BTBD9: variants seen among roughly 807,000 people sequenced by gnomAD.
BTBD9 encodes the protein BTB/POZ domain-containing protein 9.
A neutral mutation model predicts 64.3 loss-of-function variants in BTBD9; 49 were observed. The ratio of observed to expected loss-of-function variants is 0.76; its 90% CI spans 0.61 to 0.97. The LOEUF is 0.97. Ranked by LOEUF, BTBD9 falls within the 50% of genes least tolerant of loss-of-function variation. BTBD9 has a pLI of 0.00. For missense variants in BTBD9, 598 were observed against 762.1 expected (o/e 0.78, Z 2.53); for synonymous variants, 260 against 274.7 (o/e 0.95, Z 0.53).
chr6:38,503,217 C>G (rs1230914880), intron 6 of BTBD9, among the ~76,000 whole-genome samples: 2 of 152,248 alleles, frequency 1.3e-5, no homozygotes, highest in South Asian at 4.2e-4. Flanking sequence ...AATCCCCCAT[C>G]GCCCTACTCT....
At chr6:38,599,474 G>A (rs193198076) in intron 1 of BTBD9, among the ~76,000 whole-genome samples, 98 of 152,302 alleles carry the variant, frequency 6.4e-4, no homozygotes, top group African/African-American at 2.1e-3. Context: ...GCTTTGATAA[G>A]TGTAAGTAAC....
intron 6 of BTBD9, among the ~76,000 whole-genome samples, chr6:38,378,913 G>T (rs1373787993): frequency 6.6e-6 from 1 of 151,634 alleles, no homozygotes; most frequent in Non-Finnish European, 1.5e-5. Flanking sequence ...GGCAAGAATC[G>T]TTGGAAAGGA....
intron 6 of BTBD9, among the ~76,000 whole-genome samples, chr6:38,561,873 C>T (rs183680724): frequency 7.2e-5 from 11 of 152,114 alleles, no homozygotes; most frequent in African/African-American, 1.9e-4. Flanking sequence ...TAAACCTCAG[C>T]GAAACACAAT....
chr6:38,381,912 T>G (rs77009791), intron 6 of BTBD9, among the ~76,000 whole-genome samples: 5,164 of 152,082 alleles, frequency 0.034, 171 homozygotes, highest in East Asian at 0.11. Flanking sequence ...TTAGATAATA[T>G]AAGAATAATA....
At chr6:38,203,861 T>C (rs1762549124) in intron 9 of BTBD9, among the ~76,000 whole-genome samples, 1 of 152,060 alleles carries the variant, frequency 6.6e-6, no homozygotes, top group African/African-American at 2.4e-5. Flanking sequence ...TGACTATAGT[T>C]AGCAACAATG....
intron 6 of BTBD9, among the ~76,000 whole-genome samples, chr6:38,483,550 T>A (rs1771260846): frequency 6.6e-6 from 1 of 152,062 alleles, no homozygotes; most frequent in Non-Finnish European, 1.5e-5. Flanking sequence ...TGGTTTCCCA[T>A]CATCCTTAGA....
chr6:38,609,857 TG>T lies in BTBD9; in HGVS notation c.-27-11737del, dbSNP rs1333480349. Reference sequence around the variant, plus strand: ...GGTTCTTTACCTAAAGTCATAATATTGGTATTTGACCAACTCAGCTAAAGCA... The same window carrying T: ...GGTTCTTTACCTAAAGTCATAATATTGTATTTGACCAACTCAGCTAAAGCA... On this transcript the variant is annotated intron_variant, in intron 1 of 10. Transcript: ENST00000481247. Among the ~76,000 whole-genome samples, 3 of 152,364 alleles carry T rather than the reference TG, an allele frequency of 2.0e-5. No individual in the cohort carries two copies. The East Asian group carries it at 5.8e-4, about 29-fold the overall frequency.
chr6:38,210,528 G>A (rs1762792402), intron 9 of BTBD9, among the ~76,000 whole-genome samples: 1 of 117,500 alleles, frequency 8.5e-6, no homozygotes, highest in African/African-American at 3.2e-5. Flanking sequence ...GTGGGAGAGT[G>A]CGTGTGTTTG....
intron 6 of BTBD9, among the ~76,000 whole-genome samples, chr6:38,387,431 G>T (rs1766226564): frequency 6.6e-6 from 1 of 152,168 alleles, no homozygotes; most frequent in African/African-American, 2.4e-5. Context: ...CAGCTACTCG[G>T]GAGGCTGGGG....
chr6:38,300,151 A>G (rs1762329718), intron 7 of BTBD9, among the ~76,000 whole-genome samples: 1 of 152,186 alleles, frequency 6.6e-6, no homozygotes, highest in African/African-American at 2.4e-5. Flanking sequence ...CAGGTTTGTC[A>G]AAGATCAGAT....
intron 8 of BTBD9, among the ~76,000 whole-genome samples, chr6:38,267,897 A>G (rs1055769562): frequency 5.3e-5 from 8 of 152,174 alleles, no homozygotes; most frequent in Non-Finnish European, 1.2e-4. Flanking sequence ...CCGAGATCGC[A>G]CCACTGCACT....
chr6:38,491,382 T>G (rs572717142), intron 6 of BTBD9, among the ~76,000 whole-genome samples: 2 of 152,310 alleles, frequency 1.3e-5, no homozygotes, highest in South Asian at 4.1e-4. Flanking sequence ...CACAGGGTCA[T>G]GAGAAATCAC....
At chr6:38,523,244 C>T (rs1773346784) in intron 6 of BTBD9, among the ~76,000 whole-genome samples, 2 of 152,000 alleles carry the variant, frequency 1.3e-5, no homozygotes, top group Admixed American at 1.3e-4. Context: ...CTCTTGCAGA[C>T]ACCTCTTCTT....
intron 6 of BTBD9, among the ~76,000 whole-genome samples, chr6:38,349,015 C>T (rs1764396169): frequency 6.6e-6 from 1 of 152,150 alleles, no homozygotes; most frequent in Admixed American, 6.5e-5. Context: ...TTAAGTGATT[C>T]TCCCACCTCA....
intron 8 of BTBD9, among the ~76,000 whole-genome samples, chr6:38,258,718 G>A (rs555053811): frequency 5.0e-4 from 76 of 152,150 alleles, no homozygotes; most frequent in African/African-American, 1.8e-3. Context: ...GTGAAACGCC[G>A]TCTCTACTAA....
rs377399637 is a variant in BTBD9, at chr6:38,524,462, C to T, written c.1154+53138G>A. Reference sequence around the variant, plus strand: ...TGGATTAGTATTAGAACAGTAAGCACGTAGCAAGAATTAAATCAATGTTTA... The same window carrying T: ...TGGATTAGTATTAGAACAGTAAGCATGTAGCAAGAATTAAATCAATGTTTA... On this transcript the variant is annotated intron_variant, in intron 6 of 10. Coordinates refer to ENST00000481247, the MANE Select transcript of BTBD9 (RefSeq NM_001099272.2). 5.3e-5 allele frequency among the ~76,000 whole-genome samples: 8 copies of T among 152,172 alleles called. No individual in the cohort carries two copies. The East Asian group carries it at 5.8e-4, about 11-fold the overall frequency.
chr6:38,379,648 A>G (rs1205722174), intron 6 of BTBD9, among the ~76,000 whole-genome samples: 1 of 152,190 alleles, frequency 6.6e-6, no homozygotes, highest in African/African-American at 2.4e-5. Flanking sequence ...GCTGGGAGAA[A>G]ACTGTATTTA....
chr6:38,528,082 T>C (rs1773591842), intron 6 of BTBD9, among the ~76,000 whole-genome samples: 1 of 152,128 alleles, frequency 6.6e-6, no homozygotes, highest in Non-Finnish European at 1.5e-5. Flanking sequence ...GCCATGGCCA[T>C]GTGGCACAAA....
rs145599170 is a variant in BTBD9, at chr6:38,311,447, G to A, written c.1265-22986C>T. Among the ~76,000 whole-genome samples the A allele has an allele frequency of 1.1e-3, 166 of 152,284 alleles. 1 individual carries two copies. Among genetic ancestry groups the A allele is most frequent in the African/African-American group, 3.8e-3 (160 of 41,564 alleles). ...TGGCTGAATAAGTGCTCCATTGTGT[G>A]TATGTACCACATTTTCTTTATCCAT... On this transcript the variant is annotated intron_variant, in intron 7 of 10. Transcript: ENST00000481247.
Sources: allele counts gnomAD v4.1 joint callset (sites outside exome capture counted in the v4.1 genomes callset), GRCh38; gene constraint gnomAD v4.1.1; transcripts MANE v1.5; gene names NCBI Gene and HGNC (gene_info 2026-07-23, HGNC 2026-07-21).